The following QSER1 variants were observed in gnomAD, a reference collection of about 807,000 sequenced individuals.
The protein encoded by QSER1 is glutamine and serine rich 1.
In QSER1, 49 loss-of-function variants were observed where a neutral mutation model predicts 158.5. The ratio of observed to expected loss-of-function variants is 0.31; its 90% CI spans 0.25 to 0.39. The LOEUF (loss-of-function observed/expected upper bound fraction) is 0.39. QSER1 is among the 10% of genes least tolerant of loss of function. The probability of loss-of-function intolerance (pLI) is 1.00; values close to 1 mark genes in which losing one functional copy is unlikely to be tolerated. For missense variants in QSER1, 1,754 were observed against 2,010.3 expected, an observed-to-expected ratio of 0.87 and a Z score of 2.44; for synonymous variants, 650 against 715.5, an observed-to-expected ratio of 0.91 and a Z score of 1.46.
In QSER1 at chr11:32,929,924, G is replaced by A. The variant is rs1194230045; in HGVS notation, c.484+1801G>A. On this transcript the variant is annotated intron_variant, in intron 3 of 12. Coordinates refer to ENST00000650167, the MANE Select transcript of QSER1 (RefSeq NM_001076786.3). ...CTCCTTACTACCACTTTAAGCCCCA[G>A]ATATTCTCTGTCCTTTCTAACTAGC... 6.6e-5 allele frequency among the ~76,000 whole-genome samples: 10 copies of A among 152,282 alleles called. No homozygotes were observed. The East Asian group carries it at 1.9e-3, about 29-fold the overall frequency.
At chr11:32,944,400 G>A (rs1457815755) in intron 4 of QSER1, among the ~76,000 whole-genome samples, 15 of 149,120 alleles carry the variant, frequency 1.0e-4, no homozygotes, top group Admixed American at 4.0e-4. Flanking sequence ...TCTACACACT[G>A]CTTTGAATGC....
At chr11:32,946,602 T>C (rs1405438353) in intron 4 of QSER1, among the ~76,000 whole-genome samples, 1 of 152,232 alleles carries the variant, frequency 6.6e-6, no homozygotes, top group Non-Finnish European at 1.5e-5. Flanking sequence ...GATCTCCAGC[T>C]GCGTACTGGG....
chr11:32,935,926 T>C (rs972395109), intron 4 of QSER1, among the ~76,000 whole-genome samples: 7 of 152,254 alleles, frequency 4.6e-5, no homozygotes, highest in African/African-American at 1.7e-4. Context: ...ATGTGCAGCA[T>C]GCACACTAAT....
chr11:32,937,676 C>T (rs1220684093), intron 4 of QSER1, among the ~76,000 whole-genome samples: 1 of 152,150 alleles, frequency 6.6e-6, no homozygotes, highest in African/African-American at 2.4e-5. Context: ...CTGATTGTTA[C>T]TTCTATTTCA....
At chr11:32,930,885 C>G (rs1414569497) in intron 3 of QSER1, among the ~76,000 whole-genome samples, 3 of 152,276 alleles carry the variant, frequency 2.0e-5, no homozygotes, top group African/African-American at 7.2e-5. Context: ...TTAACAGTCT[C>G]TTTCTGACAG....
chr11:32,910,273 T>C (rs77969518), intron 1 of QSER1, among the ~76,000 whole-genome samples: 2,956 of 152,282 alleles, frequency 0.019, 46 homozygotes, highest in South Asian at 0.038. Context: ...TTAGACTTTT[T>C]TCTTCTTTAT....
At chr11:32,914,270 A>G (rs1851806401) in intron 1 of QSER1, among the ~76,000 whole-genome samples, 1 of 152,180 alleles carries the variant, frequency 6.6e-6, no homozygotes, top group African/African-American at 2.4e-5. Context: ...ATTCTACAAG[A>G]TTATGTACTT....
intron 1 of QSER1, among the ~76,000 whole-genome samples, chr11:32,901,066 A>G (rs1851618784): frequency 6.6e-6 from 1 of 152,252 alleles, no homozygotes; most frequent in African/African-American, 2.4e-5. Flanking sequence ...AGTAGTTGAT[A>G]GCATAAGCTC....
At chr11:32,971,800 A>G (rs944535747) in intron 10 of QSER1, among the ~76,000 whole-genome samples, 2 of 152,264 alleles carry the variant, frequency 1.3e-5, no homozygotes, top group South Asian at 2.1e-4. Flanking sequence ...GCGGTGGCTC[A>G]CGCCTGAAAT....
Position 32,932,124 on chromosome 11 carries a change from A to G in QSER1, c.866A>G (p.Gln289Arg). 1 of 1,614,182 alleles carries G rather than the reference A, an allele frequency of 6.2e-7. No homozygotes were observed. The highest frequency in any genetic ancestry group is 8.5e-7 in the Non-Finnish European group (1 of 1,180,030). The change falls in exon 4 of 13, where the codon CAG (glutamine) becomes CGG (arginine). Residue 289 changes from glutamine to arginine, a missense_variant. Around this residue, in one of 2 missense-constraint regions of QSER1, gnomAD observed 1,707 missense variants for 1,919.6 expected, o/e 0.89. Coordinates refer to ENST00000650167, the MANE Select transcript of QSER1 (RefSeq NM_001076786.3). ...TTGCCTTCAGCACTTGGGGGATCCC[A>G]GCAGACTCCTCAAGCCTACAGTTCA... ...SLLPSALGGS[Q>R]QTPQAYSSTL...
At chr11:32,970,932 T>C (rs921399483) in intron 10 of QSER1, among the ~76,000 whole-genome samples, 12 of 147,016 alleles carry the variant, frequency 8.2e-5, no homozygotes, top group Non-Finnish European at 1.0e-4. Context: ...ATAATTGTCA[T>C]ATAAAGCAAT....
chr11:32,940,900 CT>C (rs531788528), intron 4 of QSER1, among the ~76,000 whole-genome samples: 7 of 151,686 alleles, frequency 4.6e-5, no homozygotes, highest in African/African-American at 1.5e-4. Flanking sequence ...TTATTTTTTA[CT>C]TTTTTTTCTT....
At chr11:32,910,145 C>T (rs1851748104) in intron 1 of QSER1, among the ~76,000 whole-genome samples, 1 of 152,228 alleles carries the variant, frequency 6.6e-6, no homozygotes, top group African/African-American at 2.4e-5. Flanking sequence ...CTTCCCACTT[C>T]AGGCCTTTTC....
At chr11:32,900,912 C>G (rs1383695385) in intron 1 of QSER1, among the ~76,000 whole-genome samples, 1 of 152,206 alleles carries the variant, frequency 6.6e-6, no homozygotes, top group South Asian at 2.1e-4. Flanking sequence ...AGAGCATTCT[C>G]ACTCTCTGGA....
chr11:32,931,655 G>A, intron 3 of QSER1, 88 bp from the exon 4 acceptor site: 1 of 1,029,520 alleles, frequency 9.7e-7, no homozygotes, highest in Non-Finnish European at 1.4e-6. Flanking sequence ...ACATTTTGAT[G>A]AGTTGAGGGT....
At chr11:32,971,041 C>T (rs1055125291) in intron 10 of QSER1, among the ~76,000 whole-genome samples, 6 of 148,126 alleles carry the variant, frequency 4.1e-5, no homozygotes, top group Non-Finnish European at 7.4e-5. Context: ...CAACCTCCTC[C>T]TCTCCTGCCT....
intron 4 of QSER1, among the ~76,000 whole-genome samples, chr11:32,941,390 C>A (rs569707644): frequency 2.2e-4 from 28 of 129,928 alleles, no homozygotes; most frequent in Non-Finnish European, 4.2e-4. Context: ...CCCCTCCACC[C>A]CCCACAACAG....
Position 32,934,951 on chromosome 11 carries a change from G to T in QSER1, c.3693G>T (p.Gln1231His). The T allele has an allele frequency of 6.2e-7, 1 of 1,614,088 alleles. No individual in the cohort carries two copies. The change falls in exon 4 of 13, where the codon CAG becomes CAT. Residue 1231 changes from glutamine to histidine, a missense_variant. Gln to His is a conservative substitution (Grantham distance 24, BLOSUM62 0). Around this residue, in one of 2 missense-constraint regions of QSER1, gnomAD observed 1,707 missense variants for 1,919.6 expected, o/e 0.89. Transcript: ENST00000650167. ...QLKRPAQGKRQNPRGTDIYLP... is the reference protein window; with the variant it reads ...QLKRPAQGKRHNPRGTDIYLP... ...AAAGACCTGCCCAAGGCAAACGCCA[G>T]AATCCAAGGGGAACAGATATTTACT...
intron 8 of QSER1, 142 bp from the exon 9 acceptor site, chr11:32,966,158 G>A (rs1852742796): frequency 1.1e-6 from 1 of 872,494 alleles, no homozygotes; most frequent in Non-Finnish European, 1.7e-6. Flanking sequence ...GAGAACCTCA[G>A]ACCTTTTAAA....
Sources: gnomAD v4.1 joint callset for allele counts (sites outside exome capture counted in the v4.1 genomes callset) on GRCh38, gnomAD v4.1.1 for gene constraint, gnomAD v4.1.1 regional missense constraint, MANE v1.5 for transcripts, NCBI Gene and HGNC (gene_info 2026-07-23, HGNC 2026-07-21) for gene names.